The following VAV2 variants were observed in gnomAD, a reference collection of about 807,000 sequenced individuals.
The protein encoded by VAV2 is guanine nucleotide exchange factor VAV2.
In VAV2, 67 loss-of-function variants were observed where a neutral mutation model predicts 132.5. The observed-to-expected ratio is 0.51, with a 90% CI of 0.42 to 0.62. The LOEUF is 0.62. Among genes scored for constraint, VAV2 ranks in the 20% least tolerant of loss-of-function variants. The pLI, the probability that VAV2 is intolerant of heterozygous loss-of-function variation, is 0.00. For synonymous variants in VAV2, 492 were observed against 443.5 expected (o/e 1.11, Z -1.37); for missense variants, 938 against 1,153.6 (o/e 0.81, Z 2.71).
chr9:133,964,371 T>C (rs930019696), intron 1 of VAV2, among the ~76,000 whole-genome samples: 5 of 151,806 alleles, frequency 3.3e-5, no homozygotes, highest in Non-Finnish European at 5.9e-5. Flanking sequence ...TTTACATTTG[T>C]ACAAATATAT....
chr9:133,950,293 G>A (rs372797459), intron 1 of VAV2, among the ~76,000 whole-genome samples: 16 of 152,300 alleles, frequency 1.1e-4, no homozygotes, highest in African/African-American at 3.8e-4. Context: ...AAGTCTGAGT[G>A]GAGCAGGTGG....
chr9:133,798,938 G>A (rs990249520), intron 9 of VAV2, among the ~76,000 whole-genome samples: 3 of 152,194 alleles, frequency 2.0e-5, no homozygotes, highest in Non-Finnish European at 2.9e-5. Flanking sequence ...CCCCTGGCCC[G>A]GGAAGCCCAG....
rs529354347 is a variant in VAV2 at position 133,770,618 on chromosome 9, T to A, written c.2224-117A>T. The A allele has an allele frequency of 5.3e-5, 77 of 1,452,878 alleles. 2 individuals are homozygous for A. In the South Asian group the frequency reaches 9.5e-4, roughly 18 times the overall value. 90.0% of individuals were successfully genotyped at this position (1,452,878 alleles called of 1,614,324 possible). A position where few individuals can be genotyped will look rare whatever the true frequency, so the allele number is the denominator to read the frequency against. On this transcript the variant is annotated intron_variant, in intron 26 of 29. Coordinates refer to ENST00000371850, the MANE Select transcript of VAV2 (RefSeq NM_001134398.2). Reference sequence around the variant, plus strand: ...TGTGGGGGAGACTAGCTTCCTGGACTCCTCAGAACTCCCCACATCCCGCCA... The same window carrying A: ...TGTGGGGGAGACTAGCTTCCTGGACACCTCAGAACTCCCCACATCCCGCCA...
At chr9:133,795,089 G>T (rs1421906235) in intron 12 of VAV2, among the ~76,000 whole-genome samples, 1 of 152,226 alleles carries the variant, frequency 6.6e-6, no homozygotes, top group East Asian at 1.9e-4. Context: ...GACATCAGGG[G>T]CAAGTATCCT....
At chr9:133,965,182 C>A (rs2132236515) in intron 1 of VAV2, among the ~76,000 whole-genome samples, 1 of 151,686 alleles carries the variant, frequency 6.6e-6, no homozygotes, top group East Asian at 1.9e-4. Flanking sequence ...AATGGACTAG[C>A]AGAATAAAAA....
rs1368458077 is a variant in VAV2 at position 133,804,294 on chromosome 9, G to C, written c.836+1787C>G. On this transcript the variant is annotated intron_variant, in intron 9 of 29. Coordinates refer to ENST00000371850, the MANE Select transcript of VAV2 (RefSeq NM_001134398.2). This position sits in a 1 kb window ranked among gnomAD's most constrained non-coding sequence, Gnocchi z 4.5. ...ACGCTGACAGCCCCTTCCCCAAACAGACCCCGACTGACGGATCTCGCCACA... is the reference window on the plus strand; with the variant it reads ...ACGCTGACAGCCCCTTCCCCAAACACACCCCGACTGACGGATCTCGCCACA... 5.3e-5 allele frequency among the ~76,000 whole-genome samples: 8 copies of C among 152,220 alleles called. No individual in the cohort carries two copies. Among genetic ancestry groups the C allele is most frequent in the Non-Finnish European group, 1.0e-4 (7 of 68,038 alleles).
rs1017001861 is a variant in VAV2, at chr9:133,788,813, G to A, written c.1275-327C>T. On this transcript the variant is annotated intron_variant, in intron 14 of 29. Transcript: ENST00000371850. The surrounding 1 kb of genome is among the most constrained non-coding windows in gnomAD (Gnocchi z 5.3). ...CTCCCAGTTGATCCCGCGCTGGACTGGGAGCCTCAAGAGGGTGGGACCCAG... is the reference window on the plus strand; with the variant it reads ...CTCCCAGTTGATCCCGCGCTGGACTAGGAGCCTCAAGAGGGTGGGACCCAG... 6.6e-6 allele frequency among the ~76,000 whole-genome samples: 1 copy of A among 152,208 alleles called. No individual in the cohort carries two copies. The highest frequency in any genetic ancestry group is 2.4e-5 in the African/African-American group (1 of 41,470).
chr9:133,798,664 C>T (rs1159162776), intron 9 of VAV2, among the ~76,000 whole-genome samples: 4 of 152,202 alleles, frequency 2.6e-5, no homozygotes, highest in East Asian at 3.9e-4. Context: ...AGAAGAACCA[C>T]ACCAGGTGAC....
intron 1 of VAV2, among the ~76,000 whole-genome samples, chr9:133,984,985 G>A (rs1242308513): frequency 1.3e-5 from 2 of 150,368 alleles, no homozygotes; most frequent in Non-Finnish European, 3.0e-5. Context: ...CTTTTTTATT[G>A]CAGCCACCAA....
intron 2 of VAV2, among the ~76,000 whole-genome samples, chr9:133,905,897 G>A (rs1467838979): frequency 1.3e-5 from 2 of 152,112 alleles, no homozygotes; most frequent in Admixed American, 6.6e-5. Context: ...GAAATTAGCC[G>A]GGCGTGGTGG....
intron 1 of VAV2, among the ~76,000 whole-genome samples, chr9:133,958,946 T>TGCCCC (rs1309922298): frequency 3.3e-5 from 5 of 152,186 alleles, no homozygotes; most frequent in Non-Finnish European, 5.9e-5. Context: ...AGGTGCTCCC[T>TGCCCC]GCCCCGCCCC....
At position 133,792,081 on chromosome 9, in the gene VAV2, GAC is replaced by G. The variant is rs201248163; in HGVS notation, c.1102-214_1102-213del. ...ACTGTGCTGTGGTGTGTGTGTGTGA[GAC>G]AGCATGTGTGTGTGAGCGGGCTGTA... On this transcript the variant is annotated intron_variant, in intron 12 of 29. Transcript: ENST00000371850. Among the ~76,000 whole-genome samples the G allele has an allele frequency of 9.2e-3, 1,351 of 147,260 alleles. 18 individuals carry two copies. Among genetic ancestry groups the G allele is most frequent in the Admixed American group, 0.024 (342 of 14,240 alleles).
chr9:133,828,329 GCGCCCAC>G, intron 4 of VAV2, among the ~76,000 whole-genome samples: 4 of 23,140 alleles, frequency 1.7e-4, no homozygotes, highest in African/African-American at 3.7e-4. Context: ...ACCTACCGCT[GCGCCCAC>G]TGGGGCTGAC....
intron 1 of VAV2, among the ~76,000 whole-genome samples, chr9:133,981,710 T>C (rs939085392): frequency 6.6e-6 from 1 of 152,218 alleles, no homozygotes; most frequent in African/African-American, 2.4e-5. Flanking sequence ...GAAGATGCTA[T>C]GTGTGGCCAA....
chr9:133,910,948 C>T (rs530643145), intron 2 of VAV2, among the ~76,000 whole-genome samples: 4 of 152,122 alleles, frequency 2.6e-5, no homozygotes, highest in Non-Finnish European at 2.9e-5. Context: ...CCCATCCCAG[C>T]ACACCGTGTT....
At chr9:133,816,893 T>C (rs1473619493) in intron 4 of VAV2, among the ~76,000 whole-genome samples, 1 of 152,266 alleles carries the variant, frequency 6.6e-6, no homozygotes, top group Non-Finnish European at 1.5e-5. Flanking sequence ...TCTTGATACA[T>C]TTCATAGAAA....
At chr9:133,929,576 G>A (rs553505049) in intron 2 of VAV2, among the ~76,000 whole-genome samples, 75 of 152,250 alleles carry the variant, frequency 4.9e-4, no homozygotes, top group African/African-American at 1.7e-3. Context: ...GAATAGAAGT[G>A]GTGAGGGAGG....
chr9:133,789,114 A>T, intron 14 of VAV2, 144 bp downstream of exon 14: 1 of 868,814 alleles, frequency 1.2e-6, no homozygotes, highest in Non-Finnish European at 1.8e-6. Context: ...GGAAGCAATT[A>T]AAACTGAACA....
chr9:133,783,518 G>C lies in VAV2; in HGVS notation c.1708C>G (p.Pro570Ala). 1 of 1,613,878 alleles carries C rather than the reference G, an allele frequency of 6.2e-7. No individual in the cohort carries two copies. Among genetic ancestry groups the C allele is most frequent in the South Asian group, 1.1e-5 (1 of 91,082 alleles). Residue 570 changes from proline to alanine, a missense_variant, in exon 19 of 30, where the codon CCT becomes GCT. Transcript: ENST00000371850. ...GGGTACTCACTGAACTTGCAGGGAGGTATCACTTCCAGGCACTCCTTGTGT... is the reference window on the plus strand; with the variant it reads ...GGGTACTCACTGAACTTGCAGGGAGCTATCACTTCCAGGCACTCCTTGTGT... ...GAHKECLEVI[P>A]PCKFTSPADL...
Sources: allele counts gnomAD v4.1 joint callset (sites outside exome capture counted in the v4.1 genomes callset), GRCh38; gene constraint gnomAD v4.1.1; non-coding constraint Gnocchi (gnomAD v3.1); transcripts MANE v1.5; gene names NCBI Gene and HGNC (gene_info 2026-07-23, HGNC 2026-07-21).